ROBO2: variants seen among roughly 807,000 people sequenced by gnomAD.
ROBO2 encodes roundabout guidance receptor 2, also known as roundabout homolog 2.
A neutral mutation model predicts 160.8 loss-of-function variants in ROBO2; 53 were observed. The observed-to-expected ratio is 0.33, with a 90% CI of 0.26 to 0.41. The LOEUF (loss-of-function observed/expected upper bound fraction) is 0.41, where lower values mean the gene tolerates loss of function less well. Among genes scored for constraint, ROBO2 ranks in the 10% least tolerant of loss-of-function variants. The pLI is 1.00. For synonymous variants in ROBO2, 664 were observed against 611.7 expected (o/e 1.09, Z -1.26); for missense variants, 1,577 against 1,722.4 (o/e 0.92, Z 1.49).
intron 2 of ROBO2, among the ~76,000 whole-genome samples, chr3:76,196,390 G>A (rs1420610302): frequency 1.3e-5 from 2 of 152,094 alleles, no homozygotes; most frequent in African/African-American, 4.8e-5. Context: ...CCTTGGATGA[G>A]TGTTTACTGG....
At chr3:76,433,328 TC>T (rs2076524212) in intron 2 of ROBO2, among the ~76,000 whole-genome samples, 2 of 152,140 alleles carry the variant, frequency 1.3e-5, no homozygotes, top group Admixed American at 1.3e-4. Context: ...AATATGAATT[TC>T]AGATCAACCA....
chr3:77,229,767 A>G (rs1443682391), intron 2 of ROBO2, among the ~76,000 whole-genome samples: 2 of 151,872 alleles, frequency 1.3e-5, no homozygotes, highest in East Asian at 3.9e-4. Flanking sequence ...GGGCACCGCC[A>G]TTCTCTCCCT....
intron 2 of ROBO2, among the ~76,000 whole-genome samples, chr3:76,183,108 T>A (rs1701587509): frequency 6.6e-6 from 1 of 152,128 alleles, no homozygotes; most frequent in African/African-American, 2.4e-5. Context: ...GTCATTCACA[T>A]ATCTGGTGCT....
chr3:76,834,176 TC>T lies in ROBO2; in HGVS notation c.110-263837del, dbSNP rs2067446289. ...CTTTCTCTCTCTTTCTTTCTTTCTC[TC>T]TCTCTCTCTCTCTTTCTTTCTTTCT... On this transcript the variant is annotated intron_variant, in intron 2 of 26. Coordinates refer to the ROBO2 transcript ENST00000487694. Among the ~76,000 whole-genome samples the T allele has an allele frequency of 1.2e-3, 180 of 144,030 alleles. 4 individuals carry two copies. Among genetic ancestry groups the T allele is most frequent in the African/African-American group, 4.5e-3 (172 of 38,594 alleles). The allele number at this position is 144,030 out of a possible 152,430, so 94.5% of individuals were successfully genotyped here. A position where few individuals can be genotyped will look rare whatever the true frequency, so the allele number is the denominator to read the frequency against.
At chr3:76,973,574 A>ATGGT in intron 2 of ROBO2, among the ~76,000 whole-genome samples, 1 of 152,296 alleles carries the variant, frequency 6.6e-6, no homozygotes, top group Non-Finnish European at 1.5e-5. Flanking sequence ...TATTATCAAT[A>ATGGT]GCATTGTCTT....
rs1433740534 is a variant in ROBO2 at position 77,180,416 on chromosome 3, C to CTCTCTCTATATATATATATATA, written c.388+82077_388+82078insCTCTCTATATATATATATATAT. The stretch of plus-strand genomic sequence containing the variant: ...TCTCTCTCTCTCTCTCTCTCTCTCT[C>CTCTCTCTATATATATATATATA]TATATATATATATATGTATTTTTTT... On this transcript the variant is annotated intron_variant, in intron 2 of 25. Transcript: ENST00000461745. Among the ~76,000 whole-genome samples, 418 of 90,580 alleles carry CTCTCTCTATATATATATATATA rather than the reference C, an allele frequency of 4.6e-3. 1 individual carries two copies. Among genetic ancestry groups the CTCTCTCTATATATATATATATA allele is most frequent in the Middle Eastern group, 0.01 (1 of 98 alleles). The allele number at this position is 90,580 out of a possible 152,430, so 59.4% of individuals were successfully genotyped here. A position where few individuals can be genotyped will look rare whatever the true frequency, so the allele number is the denominator to read the frequency against.
intron 2 of ROBO2, among the ~76,000 whole-genome samples, chr3:76,171,937 C>T (rs1420306651): frequency 6.6e-6 from 1 of 151,990 alleles, no homozygotes; most frequent in Non-Finnish European, 1.5e-5. Flanking sequence ...CAACCTAAGT[C>T]CTAAACTCAC....
chr3:75,955,072 A>G (rs1176057538), intron 2 of ROBO2, among the ~76,000 whole-genome samples: 3 of 151,792 alleles, frequency 2.0e-5, no homozygotes, highest in African/African-American at 4.8e-5. Flanking sequence ...CCTTTTTGCC[A>G]TCTATGTAGT....
In ROBO2 at chr3:77,377,142, T is replaced by C. The variant is rs2072794180; in HGVS notation, c.389-100272T>C. 2.0e-5 allele frequency among the ~76,000 whole-genome samples: 3 copies of C among 152,230 alleles called. No individual in the cohort carries two copies. In the South Asian group the frequency reaches 6.2e-4, roughly 31 times the overall value. ...TTTAGAAATTTATATCTTCAGTCTA[T>C]ACTGTTTTTATATTTGGATATAAAA... On this transcript the variant is annotated intron_variant, in intron 2 of 25. Transcript: ENST00000461745.
intron 2 of ROBO2, among the ~76,000 whole-genome samples, chr3:76,538,272 A>G (rs1164414201): frequency 6.6e-6 from 1 of 152,188 alleles, no homozygotes; most frequent in African/African-American, 2.4e-5. Context: ...CTCAAAGAAG[A>G]AAAAGTTTCC....
At chr3:77,349,289 A>G (rs1289827092) in intron 2 of ROBO2, among the ~76,000 whole-genome samples, 1 of 152,222 alleles carries the variant, frequency 6.6e-6, no homozygotes, top group African/African-American at 2.4e-5. Flanking sequence ...AGGCAATTAT[A>G]CATCTTGCCC....
intron 1 of ROBO2, among the ~76,000 whole-genome samples, chr3:77,060,962 G>T (rs1035786332): frequency 1.3e-5 from 2 of 151,490 alleles, no homozygotes; most frequent in African/African-American, 4.9e-5. Context: ...AAGAGACAGG[G>T]TCTTGCCCCG....
At chr3:77,477,695 C>A in intron 3 of ROBO2, 124 bp downstream of exon 3, 1 of 1,033,844 alleles carries the variant, frequency 9.7e-7, no homozygotes, top group South Asian at 1.5e-5. Flanking sequence ...ACAATTTATA[C>A]TGCCTTGAAA....
chr3:76,249,382 T>G (rs1387255043), intron 2 of ROBO2, among the ~76,000 whole-genome samples: 1 of 152,102 alleles, frequency 6.6e-6, no homozygotes, highest in Non-Finnish European at 1.5e-5. Context: ...TTGGGAGATA[T>G]AGCAAAGTAA....
At chr3:77,539,588 A>G (rs2092359380) in intron 6 of ROBO2, among the ~76,000 whole-genome samples, 1 of 152,182 alleles carries the variant, frequency 6.6e-6, no homozygotes, top group Non-Finnish European at 1.5e-5. Flanking sequence ...TGGAAAAAAT[A>G]TTGAGTATTT....
At chr3:76,520,028 C>T (rs1167180785) in intron 2 of ROBO2, among the ~76,000 whole-genome samples, 1 of 152,146 alleles carries the variant, frequency 6.6e-6, no homozygotes, top group Admixed American at 6.5e-5. Flanking sequence ...AATATAAATA[C>T]CTCGTTAGTC....
chr3:76,817,119 TA>T (rs2065739007), intron 2 of ROBO2, among the ~76,000 whole-genome samples: 1 of 151,974 alleles, frequency 6.6e-6, no homozygotes, highest in Non-Finnish European at 1.5e-5. Flanking sequence ...ATACCTAATG[TA>T]GGGTTGATGG....
At chr3:76,308,376 CAAAAAAAAAAAAA>C (rs71277580) in intron 2 of ROBO2, among the ~76,000 whole-genome samples, 2 of 85,580 alleles carry the variant, frequency 2.3e-5, no homozygotes, top group African/African-American at 9.5e-5. Flanking sequence ...GACTCTGTCT[CAAAAAAAAAAAAA>C]AAAAAAAAGA....
chr3:76,686,894 C>A (rs1430993395), intron 2 of ROBO2, among the ~76,000 whole-genome samples: 2 of 152,030 alleles, frequency 1.3e-5, no homozygotes, highest in African/African-American at 4.8e-5. Context: ...TTCTGTTTTG[C>A]CCATTTGACT....
Sources: gnomAD v4.1 joint callset for allele counts (sites outside exome capture counted in the v4.1 genomes callset) on GRCh38, gnomAD v4.1.1 for gene constraint, MANE v1.5 for transcripts, NCBI Gene and HGNC (gene_info 2026-07-23, HGNC 2026-07-21) for gene names.